The following LPIN3 variants were observed in gnomAD, a reference collection of about 807,000 sequenced individuals.
The protein encoded by LPIN3 is phosphatidate phosphatase LPIN3.
Under a neutral mutation model 94.7 loss-of-function variants are expected in LPIN3, and 82 were observed. That is an observed-to-expected ratio of 0.87 (90% confidence interval 0.72 to 1.04). LPIN3 has a LOEUF of 1.04. LPIN3 is among the 50% of genes least tolerant of loss of function. LPIN3 has a pLI of 0.00. For missense variants in LPIN3, 996 were observed against 1,090.5 expected (o/e 0.91, Z 1.22); for synonymous variants, 418 against 443.3 (o/e 0.94, Z 0.72).
rs781044082 is a variant in LPIN3, at chr20:41,350,153, T to C, written c.858T>C (p.Ser286=). The C allele has an allele frequency of 2.5e-6, 4 of 1,612,942 alleles. No individual in the cohort carries two copies. Among genetic ancestry groups the C allele is most frequent in the Non-Finnish European group, 8.5e-7 (1 of 1,179,842 alleles). Residue 286 remains serine, a synonymous_variant, in exon 7 of 20, where the codon TCT becomes TCC. Coordinates refer to ENST00000373257, the MANE Select transcript of LPIN3 (RefSeq NM_022896.3). ...GAGGACCCAGCACTCCCTCTACCTC[T>C]GTGGCTGGCGGCGTGGACCCTTTGG... is the stretch of plus-strand genomic sequence containing the variant. ...PRGGPSTPST[S]VAGGVDPLGL...
At chr20:41,346,057 A>G (rs2045763747) in intron 2 of LPIN3, 62 bp downstream of exon 2, 2 of 1,547,946 alleles carry the variant, frequency 1.3e-6, no homozygotes, top group Middle Eastern at 2.2e-4. Flanking sequence ...TGGGGCAGCC[A>G]CTACAGTCCC....
At position 41,359,640 on chromosome 20, in the gene LPIN3, C is replaced by T. The variant is rs2046330340; in HGVS notation, c.*774C>T. The T allele has an allele frequency of 6.6e-6, 1 of 152,352 alleles. No homozygotes were observed. Among genetic ancestry groups the T allele is most frequent in the Admixed American group, 6.5e-5 (1 of 15,284 alleles). 9.4% of individuals were successfully genotyped at this position (152,352 alleles called of 1,614,324 possible). A position where few individuals can be genotyped will look rare whatever the true frequency, so the allele number is the denominator to read the frequency against. On this transcript the variant is annotated 3_prime_UTR_variant, in exon 20 of 20. Transcript: ENST00000373257. ...CTTGTCTGGGAGCCAGGACTGTACC[C>T]TCCGAAGCCAGACATCACTGCCAAC...
At chr20:41,349,369 A>T (rs1250951819) in intron 5 of LPIN3, among the ~76,000 whole-genome samples, 197 bp downstream of exon 5, 1 of 151,784 alleles carries the variant, frequency 6.6e-6, no homozygotes, top group African/African-American at 2.4e-5. Flanking sequence ...TAAATTTACC[A>T]TTTTAACTAT....
At chr20:41,352,371 A>G (rs1168843012) in intron 9 of LPIN3, 151 bp downstream of exon 9, 20 of 978,792 alleles carry the variant, frequency 2.0e-5, no homozygotes, top group Middle Eastern at 5.1e-4. Flanking sequence ...CTCCGCCAGC[A>G]GGGGCTGGAC....
intron 15 of LPIN3, 81 bp from the exon 16 acceptor site, chr20:41,357,280 T>G: frequency 6.3e-7 from 1 of 1,597,740 alleles, no homozygotes; most frequent in Non-Finnish European, 8.6e-7. Flanking sequence ...AGAGGAGCCC[T>G]CCCTTCCTGG....
In LPIN3 at chr20:41,349,875, C is replaced by T. The variant is rs1317120122; in HGVS notation, c.740C>T (p.Ala247Val). Residue 247 changes from alanine to valine, a missense_variant, in exon 6 of 20, where the codon GCC (alanine) becomes GTC (valine). Ala to Val is a moderately conservative substitution (Grantham distance 64). Transcript: ENST00000373257. ...AGAGCCGAGTCCCACATGCAGTGGG[C>T]CTGGGGGAGGCTGCCTAAGGTGAGT... is the stretch of plus-strand genomic sequence containing the variant. ...PLRAESHMQWAWGRLPKVARA... is the reference protein window; with the variant it reads ...PLRAESHMQWVWGRLPKVARA... 4 of 1,613,152 alleles carry T rather than the reference C, an allele frequency of 2.5e-6. No homozygotes were observed. Among genetic ancestry groups the T allele is most frequent in the South Asian group, 1.1e-5 (1 of 91,022 alleles).
chr20:41,351,168 AC>A (rs1272504416), intron 7 of LPIN3, among the ~76,000 whole-genome samples: 4 of 151,770 alleles, frequency 2.6e-5, no homozygotes, highest in Non-Finnish European at 5.9e-5. Flanking sequence ...CAGGAGGGTC[AC>A]TTGAGCCCAG....
intron 11 of LPIN3, 50 bp from the exon 12 acceptor site, chr20:41,354,595 G>A (rs749901129): frequency 4.0e-6 from 6 of 1,497,192 alleles, no homozygotes; most frequent in Non-Finnish European, 2.7e-6. Context: ...CGTAAGGTAG[G>A]AGGTTTATGT....
At position 41,348,664 on chromosome 20, in the gene LPIN3, G is replaced by A; in HGVS notation, c.334G>A (p.Gly112Ser). Residue 112 changes from glycine (G) to serine (S), a missense_variant, in exon 4 of 20, where the codon GGT (glycine) becomes AGT (serine). Physicochemically the swap from Gly to Ser is moderately conservative, Grantham distance 56. Transcript: ENST00000373257. Reference sequence around the variant, plus strand: ...GTGCACCTCACCCATCCCTTGGGGGGGTCTGTCTGGCTTCCCCTCGGACTC... The same window carrying A: ...GTGCACCTCACCCATCCCTTGGGGGAGTCTGTCTGGCTTCCCCTCGGACTC... ...GLCTSPIPWG[G>S]LSGFPSDSQL... 1 of 1,613,792 alleles carries A rather than the reference G, an allele frequency of 6.2e-7. No homozygotes were observed. Among genetic ancestry groups the A allele is most frequent in the Non-Finnish European group, 8.5e-7 (1 of 1,179,770 alleles).
chr20:41,356,001 C>A lies in LPIN3; in HGVS notation c.1770C>A (p.Tyr590Ter). ...CCACTCCACCCTCCACTCCTACCTA[C>A]AAGAAGTCCCTCCGCCTCTCCTCCG... ...PPSTPPSTPT[Y>*]KKSLRLSSDQ... The change falls in exon 14 of 20, where the codon TAC becomes TAA. Residue 590 changes from tyrosine to a stop codon, truncating the protein, a stop_gained. Coordinates refer to ENST00000373257, the MANE Select transcript of LPIN3 (RefSeq NM_022896.3). LOFTEE classifies it high-confidence loss of function. 6.2e-7 allele frequency: 1 copy of A among 1,614,162 alleles called. No individual in the cohort carries two copies. Among genetic ancestry groups the A allele is most frequent in the Non-Finnish European group, 8.5e-7 (1 of 1,180,010 alleles).
rs575986671 is a variant in LPIN3 at position 41,358,825 on chromosome 20, C to T, written c.2515C>T (p.Arg839Trp). 3.1e-5 allele frequency: 50 copies of T among 1,613,994 alleles called. No homozygotes were observed. Among genetic ancestry groups the T allele is most frequent in the South Asian group, 7.7e-5 (7 of 91,070 alleles). Residue 839 changes from arginine (R) to tryptophan (W), a missense_variant, in exon 20 of 20, where the codon CGG (arginine) becomes TGG (tryptophan). Coordinates refer to ENST00000373257, the MANE Select transcript of LPIN3 (RefSeq NM_022896.3). ...TGAATACAGTAACTTCTGCTACTGG[C>T]GGGAGCCACTGCCTGCTGTGGACCT... ...NPEYSNFCYW[R>W]EPLPAVDLDT...
Position 41,357,120 on chromosome 20 carries a change from G to A in LPIN3, c.1884G>A (p.Lys628=). The A allele has an allele frequency of 6.2e-7, 1 of 1,614,160 alleles. No individual in the cohort carries two copies. Among genetic ancestry groups the A allele is most frequent in the Middle Eastern group, 1.7e-4 (1 of 6,060 alleles). Residue 628 remains lysine, a synonymous_variant, in exon 15 of 20, where the codon AAG becomes AAA. Coordinates refer to ENST00000373257, the MANE Select transcript of LPIN3 (RefSeq NM_022896.3). ...AGTACCAGGGCACCTGCCGCTGCAAGGCCACCATCTACCTGTGGAAATGGG... is the reference window on the plus strand; with the variant it reads ...AGTACCAGGGCACCTGCCGCTGCAAAGCCACCATCTACCTGTGGAAATGGG... The part of the protein sequence containing the change: ...TTQYQGTCRC[K]ATIYLWKWDD...
chr20:41,342,335 T>G (rs1207497354), intron 1 of LPIN3, among the ~76,000 whole-genome samples: 1 of 152,170 alleles, frequency 6.6e-6, no homozygotes, highest in Non-Finnish European at 1.5e-5. Context: ...CATCTGGTTA[T>G]AAAGTCTTAA....
chr20:41,358,659 C>T, intron 19 of LPIN3, 63 bp from the exon 20 acceptor site: 3 of 1,605,882 alleles, frequency 1.9e-6, no homozygotes, highest in Non-Finnish European at 2.6e-6. Context: ...TGGGACAGAC[C>T]CATGGCCAAG....
At position 41,350,035 on chromosome 20, in the gene LPIN3, C is replaced by G; in HGVS notation, c.760-20C>G. The G allele has an allele frequency of 6.3e-7, 1 of 1,575,666 alleles. No individual in the cohort carries two copies. The highest frequency in any genetic ancestry group is 8.6e-7 in the Non-Finnish European group (1 of 1,156,828). ...GGGCCTTACCCTGGCCCACATCTTC[C>G]TCCATTTGTTCCACTAAAGGTGGCC... On this transcript the variant is annotated intron_variant, in intron 6 of 19. Transcript: ENST00000373257.
intron 2 of LPIN3, among the ~76,000 whole-genome samples, chr20:41,346,737 G>A (rs947839558): frequency 5.3e-5 from 8 of 152,096 alleles, no homozygotes; most frequent in Non-Finnish European, 8.8e-5. Context: ...GCGAAACTCC[G>A]TCTCAAAAAA....
rs760791213 is a variant in LPIN3, at chr20:41,349,761, A to G, written c.639-13A>G. ...GTAGGCAGGCTCAAGGCCTCTCAATATGTCTCCTGCAGCCTCTCAGCAGGT... is the reference window on the plus strand; with the variant it reads ...GTAGGCAGGCTCAAGGCCTCTCAATGTGTCTCCTGCAGCCTCTCAGCAGGT... On this transcript the variant is annotated splice_polypyrimidine_tract_variant and intron_variant, in intron 5 of 19. Coordinates refer to ENST00000373257, the MANE Select transcript of LPIN3 (RefSeq NM_022896.3). 5.0e-6 allele frequency: 8 copies of G among 1,608,208 alleles called. No individual in the cohort carries two copies. The highest frequency in any genetic ancestry group is 1.7e-5 in the Admixed American group (1 of 58,884).
At chr20:41,357,595 C>T (rs975349027) in intron 16 of LPIN3, 148 bp downstream of exon 16, 33 of 755,342 alleles carry the variant, frequency 4.4e-5, no homozygotes, top group East Asian at 3.2e-4. Flanking sequence ...TCTATTGGCC[C>T]GCAGTTCTGG....
chr20:41,356,969 G>C, intron 14 of LPIN3, 71 bp from the exon 15 acceptor site: 3 of 1,562,782 alleles, frequency 1.9e-6, no homozygotes, highest in East Asian at 2.3e-5. Context: ...CGGAGGCCAC[G>C]GCGTAAGGGG....
Sources: gnomAD v4.1 joint callset for allele counts (sites outside exome capture counted in the v4.1 genomes callset) on GRCh38, gnomAD v4.1.1 for gene constraint, MANE v1.5 for transcripts, NCBI Gene and HGNC (gene_info 2026-07-23, HGNC 2026-07-21) for gene names.